Variants in NEK1 observed in about 807,000 individuals in gnomAD.
NEK1 encodes NIMA related kinase 1, also known as serine/threonine-protein kinase Nek1.
A neutral mutation model predicts 182.1 loss-of-function variants in NEK1; 137 were observed. That is an observed-to-expected ratio of 0.75 (90% CI 0.65 to 0.87). The LOEUF is 0.87. Among genes scored for constraint, NEK1 ranks in the 40% least tolerant of loss-of-function variants. NEK1 has a pLI of 0.00. For missense variants in NEK1, 1,391 were observed against 1,494.4 expected, an observed-to-expected ratio of 0.93 and a Z score of 1.14; for synonymous variants, 513 against 492.2, an observed-to-expected ratio of 1.04 and a Z score of -0.56.
intron 11 of NEK1, 98 bp from the exon 12 acceptor site, chr4:169,577,177 ATT>A (rs1765823600): frequency 8.9e-7 from 1 of 1,128,954 alleles, no homozygotes; most frequent in Non-Finnish European, 1.3e-6. Flanking sequence ...TTTCATAATC[ATT>A]GATAGTATTT....
chr4:169,434,936 GCATTAC>G (rs1484485073), intron 28 of NEK1, among the ~76,000 whole-genome samples: 1 of 152,078 alleles, frequency 6.6e-6, no homozygotes. Context: ...ACTTATGACT[GCATTAC>G]CTGCAAAGCC....
chr4:169,452,466 T>C (rs550661999), intron 27 of NEK1, among the ~76,000 whole-genome samples: 38 of 152,304 alleles, frequency 2.5e-4, no homozygotes, highest in African/African-American at 8.7e-4. Flanking sequence ...TTATCCACCA[T>C]GATCAAGTTG....
intron 2 of NEK1, among the ~76,000 whole-genome samples, chr4:169,603,547 A>C (rs971210439): frequency 6.6e-6 from 1 of 152,204 alleles, no homozygotes; most frequent in Non-Finnish European, 1.5e-5. Context: ...AGTTAATGTA[A>C]GAATGTACTG....
chr4:169,426,897 C>A (rs2149390324), intron 29 of NEK1, among the ~76,000 whole-genome samples: 1 of 151,846 alleles, frequency 6.6e-6, no homozygotes, highest in East Asian at 1.9e-4. Context: ...ATATTTTAAC[C>A]CTCAAAGGGA....
intron 31 of NEK1, among the ~76,000 whole-genome samples, chr4:169,409,409 G>A (rs1312988516): frequency 6.6e-6 from 1 of 151,934 alleles, no homozygotes; most frequent in Non-Finnish European, 1.5e-5. Flanking sequence ...CTCCCAAAGT[G>A]CTGGGATTAC....
At chr4:169,506,900 G>C (rs952103122) in intron 23 of NEK1, 137 bp downstream of exon 23, 1 of 452,536 alleles carries the variant, frequency 2.2e-6, no homozygotes, top group East Asian at 3.4e-5. Context: ...GAGGTAATGA[G>C]AAAGGGTGAG....
chr4:169,557,940 GTAAA>G (rs560559215), intron 16 of NEK1, among the ~76,000 whole-genome samples: 8 of 152,002 alleles, frequency 5.3e-5, no homozygotes, highest in Non-Finnish European at 8.8e-5. Flanking sequence ...CAAAAAATAA[GTAAA>G]TAAATAAAAT....
chr4:169,556,148 C>T (rs1480140908), intron 16 of NEK1, 53 bp from the exon 17 acceptor site: 2 of 1,513,814 alleles, frequency 1.3e-6, no homozygotes, highest in African/African-American at 1.4e-5. Context: ...GCCTAACAGG[C>T]CTGTACTAGT....
intron 10 of NEK1, among the ~76,000 whole-genome samples, chr4:169,585,083 G>A: frequency 6.6e-6 from 1 of 152,154 alleles, no homozygotes; most frequent in Non-Finnish European, 1.5e-5. Flanking sequence ...CAGCTACTCA[G>A]GAGGCTGAGG....
intron 18 of NEK1, among the ~76,000 whole-genome samples, chr4:169,552,522 A>T (rs1761579232): frequency 6.6e-6 from 1 of 152,166 alleles, no homozygotes; most frequent in African/African-American, 2.4e-5. Flanking sequence ...TTTCCGGCCA[A>T]CATCAGGAAC....
chr4:169,402,997 C>G (rs1456824886), intron 32 of NEK1, among the ~76,000 whole-genome samples: 5 of 152,070 alleles, frequency 3.3e-5, no homozygotes, highest in Non-Finnish European at 5.9e-5. Flanking sequence ...GACACAAGGG[C>G]TAATTAAGGC....
intron 23 of NEK1, among the ~76,000 whole-genome samples, chr4:169,498,572 C>T (rs1274592631): frequency 2.0e-5 from 3 of 152,148 alleles, no homozygotes; most frequent in Non-Finnish European, 4.4e-5. Context: ...TTAGTGCTTC[C>T]TTCTGGAGCT....
chr4:169,415,503 C>T (rs1024131794), intron 31 of NEK1, among the ~76,000 whole-genome samples: 1 of 150,640 alleles, frequency 6.6e-6, no homozygotes. Flanking sequence ...ATCATTTAAA[C>T]AAATCTTATA....
intron 35 of NEK1, among the ~76,000 whole-genome samples, chr4:169,395,830 C>G (rs1730586817): frequency 6.6e-6 from 1 of 152,112 alleles, no homozygotes; most frequent in African/African-American, 2.4e-5. Context: ...ATTCTTCCCG[C>G]TCATGGTTTT....
intron 28 of NEK1, 101 bp from the exon 29 acceptor site, chr4:169,433,766 A>G: frequency 8.5e-7 from 1 of 1,178,726 alleles, no homozygotes; most frequent in South Asian, 1.5e-5. Flanking sequence ...TTTTAGGGTA[A>G]TATATTCATT....
At chr4:169,592,441 A>C (rs144533942) in intron 5 of NEK1, among the ~76,000 whole-genome samples, 29 of 152,286 alleles carry the variant, frequency 1.9e-4, no homozygotes, top group East Asian at 1.7e-3. Context: ...TAAGTGAAAA[A>C]AGGAAGTTCC....
intron 23 of NEK1, among the ~76,000 whole-genome samples, chr4:169,487,914 G>A (rs1749337921): frequency 6.6e-6 from 1 of 152,124 alleles, no homozygotes; most frequent in Admixed American, 6.5e-5. Flanking sequence ...CTAATGATCA[G>A]AGATGTTGAG....
chr4:169,396,401 A>C (rs1255230547), intron 35 of NEK1, among the ~76,000 whole-genome samples: 1 of 146,648 alleles, frequency 6.8e-6, no homozygotes, highest in Non-Finnish European at 1.5e-5. Context: ...AAAAAAGAAG[A>C]ATCTATAAAC....
intron 23 of NEK1, among the ~76,000 whole-genome samples, chr4:169,503,309 T>C (rs1266272667): frequency 6.6e-6 from 1 of 152,102 alleles, no homozygotes; most frequent in Admixed American, 6.5e-5. Context: ...CCTGAAGTAA[T>C]CTACAGAATC....
Sources: allele counts gnomAD v4.1 joint callset (sites outside exome capture counted in the v4.1 genomes callset), GRCh38; gene constraint gnomAD v4.1.1; transcripts MANE v1.5; gene names NCBI Gene and HGNC (gene_info 2026-07-23, HGNC 2026-07-21).